The following ACSS3 variants were observed in gnomAD, a reference collection of about 807,000 sequenced individuals.
ACSS3 encodes acyl-CoA synthetase short chain family member 3, also known as acyl-CoA synthetase short-chain family member 3, mitochondrial.
A neutral mutation model predicts 84.2 loss-of-function variants in ACSS3; 64 were observed. That is an observed-to-expected ratio of 0.76 (90% confidence interval 0.62 to 0.94). The LOEUF (loss-of-function observed/expected upper bound fraction) is 0.94, where lower values mean the gene tolerates loss of function less well. Among genes scored for constraint, ACSS3 ranks in the 40% least tolerant of loss-of-function variants. The pLI, the probability that ACSS3 is intolerant of heterozygous loss-of-function variation, is 0.00. For missense variants in ACSS3, 815 were observed against 867.6 expected, an observed-to-expected ratio of 0.94 and a Z score of 0.76; for synonymous variants, 317 against 310.1, an observed-to-expected ratio of 1.02 and a Z score of -0.23.
chr12:81,246,844 G>C (rs1337231306), intron 13 of ACSS3, among the ~76,000 whole-genome samples: 1 of 152,124 alleles, frequency 6.6e-6, no homozygotes, highest in Non-Finnish European at 1.5e-5. Context: ...ACTAGGCTTA[G>C]TACCTGGGTG....
chr12:81,229,881 GC>G (rs74784170), intron 11 of ACSS3, among the ~76,000 whole-genome samples: 8,164 of 131,522 alleles, frequency 0.062, 401 homozygotes, highest in African/African-American at 0.13. Flanking sequence ...CTGCTGGGCT[GC>G]CCAAAGAGGC....
At chr12:81,213,590 C>CTCTCCTCTCCTCTCCTCTCCTCT (rs1565723274) in intron 9 of ACSS3, among the ~76,000 whole-genome samples, 1 of 9,312 alleles carries the variant, frequency 1.1e-4, no homozygotes, top group African/African-American at 3.1e-4. Context: ...TCCTCCCCTC[C>CTCTCCTCTCCTCTCCTCTCCTCT]CCTCCCCTCC....
intron 1 of ACSS3, chr12:81,094,413 T>C (rs1422035770): frequency 1.3e-5 from 2 of 152,332 alleles, no homozygotes; most frequent in East Asian, 3.9e-4. Context: ...TTTCAGATCT[T>C]TTTATCATAA....
intron 7 of ACSS3, among the ~76,000 whole-genome samples, chr12:81,158,166 C>T (rs980177277): frequency 6.6e-6 from 1 of 151,978 alleles, no homozygotes; most frequent in African/African-American, 2.4e-5. Flanking sequence ...TGTAGTTTTG[C>T]AGTTTTTACA....
At chr12:81,207,757 T>G (rs143533549) in intron 9 of ACSS3, among the ~76,000 whole-genome samples, 1,947 of 152,122 alleles carry the variant, frequency 0.013, 17 homozygotes, top group Non-Finnish European at 0.019. Flanking sequence ...GAACCAGAAC[T>G]CTCATTCTTC....
intron 1 of ACSS3, among the ~76,000 whole-genome samples, chr12:81,107,673 T>A (rs1921355): frequency 0.72 from 107,820 of 149,600 alleles, 40,840 homozygotes; most frequent in Non-Finnish European, 0.85. Flanking sequence ...ATACTATATG[T>A]CCAGGAACCA....
chr12:81,220,031 A>G lies in ACSS3; in HGVS notation c.1469A>G (p.Asn490Ser), dbSNP rs769283301. The change falls in exon 11 of 16, where the codon AAC becomes AGC. Residue 490 changes from asparagine (N) to serine (S), a missense_variant. Physicochemically the swap from Asn to Ser is conservative, Grantham distance 46 (BLOSUM62 1). Transcript: ENST00000548058. ...PGYNVMILDD[N>S]MQKLKARCLG... is the part of the protein sequence containing the mutation. ...TTTGTAGTTATGATTTTGGATGACA[A>G]CATGCAAAAACTGAAGGCTCGGTGT... The G allele has an allele frequency of 4.0e-5, 61 of 1,541,276 alleles. No homozygotes were observed. The highest frequency in any genetic ancestry group is 1.7e-4 in the Middle Eastern group (1 of 5,744).
At chr12:81,159,011 A>G (rs1006547743) in intron 7 of ACSS3, among the ~76,000 whole-genome samples, 1 of 152,222 alleles carries the variant, frequency 6.6e-6, no homozygotes, top group Non-Finnish European at 1.5e-5. Flanking sequence ...TGTTAAATAA[A>G]TGCCTGAATG....
intron 1 of ACSS3, among the ~76,000 whole-genome samples, chr12:81,090,702 G>A (rs1481000844): frequency 1.3e-5 from 2 of 151,990 alleles, no homozygotes; most frequent in Admixed American, 6.6e-5. Flanking sequence ...GGCTTCCTTT[G>A]CCTCTCCTTA....
At chr12:81,179,271 C>CAAAAAAAAA (rs71098127) in intron 8 of ACSS3, among the ~76,000 whole-genome samples, 11 of 66,784 alleles carry the variant, frequency 1.6e-4, no homozygotes, top group East Asian at 9.8e-4. Context: ...AAGTAATTGC[C>CAAAAAAAAA]AAAAAAAAAA....
intron 2 of ACSS3, among the ~76,000 whole-genome samples, chr12:81,128,464 G>A (rs968574906): frequency 6.6e-6 from 1 of 152,094 alleles, no homozygotes; most frequent in Non-Finnish European, 1.5e-5. Context: ...TGGTAGCATA[G>A]TATCCTCATG....
chr12:81,091,072 T>C (rs1425245673), intron 1 of ACSS3, among the ~76,000 whole-genome samples: 2 of 152,068 alleles, frequency 1.3e-5, no homozygotes, highest in African/African-American at 4.8e-5. Flanking sequence ...TTAAAATTAA[T>C]TTTTCTCAAA....
At chr12:81,162,134 T>C (rs913450546) in intron 7 of ACSS3, among the ~76,000 whole-genome samples, 3 of 152,176 alleles carry the variant, frequency 2.0e-5, no homozygotes, top group Non-Finnish European at 4.4e-5. Flanking sequence ...GAATCCTGAG[T>C]TCTTGTCCCA....
intron 2 of ACSS3, among the ~76,000 whole-genome samples, chr12:81,120,726 T>G (rs1260478374): frequency 1.3e-5 from 2 of 152,192 alleles, no homozygotes; most frequent in Non-Finnish European, 2.9e-5. Context: ...TATGTAATAC[T>G]TAAGTAAATA....
chr12:81,150,465 T>C lies in ACSS3; in HGVS notation c.922-1379T>C, dbSNP rs375406717. On this transcript the variant is annotated intron_variant, in intron 5 of 15. Coordinates refer to ENST00000548058, the MANE Select transcript of ACSS3 (RefSeq NM_024560.4). ...ACAAACTAGCAAAGTGCATGGACGA[T>C]AGGATAGGATACAGTGGAAAAATAA... Among the ~76,000 whole-genome samples the C allele has an allele frequency of 7.9e-4, 121 of 152,298 alleles. 1 individual carries two copies. The highest frequency in any genetic ancestry group is 2.8e-3 in the African/African-American group (117 of 41,578).
intron 5 of ACSS3, among the ~76,000 whole-genome samples, chr12:81,144,224 G>C (rs1257328952): frequency 6.6e-6 from 1 of 152,134 alleles, no homozygotes; most frequent in Non-Finnish European, 1.5e-5. Flanking sequence ...TTTTGGTAGG[G>C]TAATATATTC....
chr12:81,240,907 A>G (rs189106220), intron 13 of ACSS3, among the ~76,000 whole-genome samples: 16 of 152,110 alleles, frequency 1.1e-4, no homozygotes, highest in East Asian at 9.7e-4. Context: ...ACATATGTAT[A>G]CATGTGACAT....
intron 13 of ACSS3, among the ~76,000 whole-genome samples, chr12:81,239,742 CA>C (rs1221411762): frequency 6.6e-6 from 1 of 151,926 alleles, no homozygotes; most frequent in Non-Finnish European, 1.5e-5. Context: ...ATGGAAGCCA[CA>C]ATTCAAGATG....
At chr12:81,134,714 T>A (rs1885694509) in intron 2 of ACSS3, 102 bp from the exon 3 acceptor site, 2 of 1,053,734 alleles carry the variant, frequency 1.9e-6, no homozygotes, top group Admixed American at 3.7e-5. Context: ...TCCTTTAATC[T>A]ACTACCAAGC....
Sources: allele counts gnomAD v4.1 joint callset (sites outside exome capture counted in the v4.1 genomes callset), GRCh38; gene constraint gnomAD v4.1.1; transcripts MANE v1.5; gene names NCBI Gene and HGNC (gene_info 2026-07-23, HGNC 2026-07-21).